GMDS: variants seen among roughly 807,000 people sequenced by gnomAD.
GMDS encodes GDP-mannose 4,6-dehydratase.
GMDS carries 20 observed loss-of-function variants against 49.9 expected under a neutral mutation model. The ratio of observed to expected loss-of-function variants is 0.40; its 90% CI spans 0.28 to 0.58. The LOEUF (loss-of-function observed/expected upper bound fraction) is 0.58. Among genes scored for constraint, GMDS ranks in the 20% least tolerant of loss-of-function variants. GMDS has a pLI of 0.42. For missense variants in GMDS, 362 were observed against 481.4 expected (o/e 0.75, Z 2.32); for synonymous variants, 177 against 178.6 (o/e 0.99, Z 0.07).
chr6:1,649,831 C>T lies in GMDS; in HGVS notation c.988-25291G>A, dbSNP rs370567289. 3.9e-5 allele frequency among the ~76,000 whole-genome samples: 6 copies of T among 152,340 alleles called. No homozygotes were observed. The East Asian group carries it at 7.7e-4, about 20-fold the overall frequency. ...CACCCCTTAGATATCATGCTCCTGA[C>T]AGCTCTGCAGGAAAACAGTTTTAGG... On this transcript the variant is annotated intron_variant, in intron 9 of 10. Coordinates refer to ENST00000380815, the MANE Select transcript of GMDS (RefSeq NM_001500.4).
chr6:2,164,432 A>G (rs549905068), intron 1 of GMDS, among the ~76,000 whole-genome samples: 1 of 152,312 alleles, frequency 6.6e-6, no homozygotes, highest in African/African-American at 2.4e-5. Context: ...ACTCAGCATT[A>G]TCTTACAAAG....
intron 1 of GMDS, among the ~76,000 whole-genome samples, chr6:2,207,644 A>G (rs1175917102): frequency 1.3e-5 from 2 of 151,956 alleles, no homozygotes; most frequent in African/African-American, 2.4e-5. Context: ...TGTTCCTAGC[A>G]CCTAGCAGAT....
At position 1,790,827 on chromosome 6, in the gene GMDS, G is replaced by T. The variant is rs150845142; in HGVS notation, c.772-48241C>A. On this transcript the variant is annotated intron_variant, in intron 7 of 10. Coordinates refer to ENST00000380815, the MANE Select transcript of GMDS (RefSeq NM_001500.4). ...GCTGCTGCCTGCTTTACCTCTTGTG[G>T]TAGGCTGAGTAATGCCTCCCAAAGA... Among the ~76,000 whole-genome samples, 676 of 152,304 alleles carry T rather than the reference G, an allele frequency of 4.4e-3. 2 individuals carry two copies. Among genetic ancestry groups the T allele is most frequent in the African/African-American group, 0.015 (642 of 41,546 alleles).
chr6:1,786,947 C>T (rs1176351865), intron 7 of GMDS, among the ~76,000 whole-genome samples: 5 of 152,140 alleles, frequency 3.3e-5, no homozygotes, highest in African/African-American at 1.2e-4. Flanking sequence ...CTCACACGTA[C>T]CTACAGCCTC....
chr6:1,919,901 C>A (rs1761632533), intron 7 of GMDS, among the ~76,000 whole-genome samples: 1 of 152,164 alleles, frequency 6.6e-6, no homozygotes, highest in Non-Finnish European at 1.5e-5. Flanking sequence ...ATCAAATCAG[C>A]ACTACAAAGC....
At chr6:1,804,788 C>T (rs561117304) in intron 7 of GMDS, among the ~76,000 whole-genome samples, 22 of 152,196 alleles carry the variant, frequency 1.4e-4, no homozygotes, top group Non-Finnish European at 2.5e-4. Context: ...TCTTTAACAT[C>T]ATACGCTCAT....
At chr6:2,015,808 G>C (rs1767855091) in intron 4 of GMDS, among the ~76,000 whole-genome samples, 1 of 152,038 alleles carries the variant, frequency 6.6e-6, no homozygotes, top group Admixed American at 6.6e-5. Flanking sequence ...ATGCAATGTG[G>C]CCCAAATTTT....
intron 6 of GMDS, 24 bp from the exon 7 acceptor site, chr6:1,930,254 T>A (rs371330555): frequency 2.5e-6 from 4 of 1,607,974 alleles, no homozygotes; most frequent in Non-Finnish European, 3.4e-6. Context: ...AAAGATGTAG[T>A]ATCAGTCAAG....
intron 9 of GMDS, among the ~76,000 whole-genome samples, chr6:1,711,917 C>T (rs993996413): frequency 3.3e-5 from 5 of 152,236 alleles, no homozygotes; most frequent in African/African-American, 1.2e-4. Context: ...GAGAGCAGCA[C>T]TGCACAGTCA....
chr6:1,827,510 G>T lies in GMDS; in HGVS notation c.772-84924C>A, dbSNP rs144675501. 3.0e-3 allele frequency among the ~76,000 whole-genome samples: 453 copies of T among 151,766 alleles called. 5 individuals carry two copies. Among genetic ancestry groups the T allele is most frequent in the African/African-American group, 0.01 (427 of 41,290 alleles). On this transcript the variant is annotated intron_variant, in intron 7 of 10. Coordinates refer to ENST00000380815, the MANE Select transcript of GMDS (RefSeq NM_001500.4). ...GAAAACCTGTATATACACACGTTTT[G>T]GAAAAGTCCTAAGGTAGATTCCTTA...
chr6:1,967,586 A>C (rs1764336858), intron 4 of GMDS, among the ~76,000 whole-genome samples: 1 of 152,214 alleles, frequency 6.6e-6, no homozygotes, highest in Non-Finnish European at 1.5e-5. Context: ...ACGCTATATA[A>C]AGAGTCAGAA....
At chr6:2,123,972 A>G (rs1775278963) in intron 2 of GMDS, among the ~76,000 whole-genome samples, 1 of 152,102 alleles carries the variant, frequency 6.6e-6, no homozygotes. Context: ...ATTAGAATAA[A>G]CAGATAATCC....
At chr6:1,725,590 C>T (rs1766554815) in intron 9 of GMDS, among the ~76,000 whole-genome samples, 1 of 152,130 alleles carries the variant, frequency 6.6e-6, no homozygotes, top group South Asian at 2.1e-4. Context: ...TGCGCTACCA[C>T]ACCCGGCTAA....
intron 6 of GMDS, among the ~76,000 whole-genome samples, chr6:1,936,424 G>C (rs1320472423): frequency 6.6e-6 from 1 of 152,120 alleles, no homozygotes; most frequent in African/African-American, 2.4e-5. Flanking sequence ...CAGACACCAG[G>C]CACAGCCAGA....
chr6:2,098,338 G>T (rs769485640), intron 4 of GMDS, among the ~76,000 whole-genome samples: 2 of 152,172 alleles, frequency 1.3e-5, no homozygotes, highest in East Asian at 1.9e-4. Flanking sequence ...GATTACAGGC[G>T]TAAGCCACCG....
intron 1 of GMDS, among the ~76,000 whole-genome samples, chr6:2,241,512 T>A (rs1213594358): frequency 6.6e-6 from 1 of 152,206 alleles, no homozygotes; most frequent in East Asian, 1.9e-4. Flanking sequence ...TCCCCAAGGT[T>A]GGAGGTGGGA....
chr6:1,744,724 C>T (rs1397223445), intron 7 of GMDS, among the ~76,000 whole-genome samples: 1 of 152,230 alleles, frequency 6.6e-6, no homozygotes, highest in Non-Finnish European at 1.5e-5. Flanking sequence ...TGAGCAGCTG[C>T]TCCTTGTAGG....
Position 2,131,383 on chromosome 6 carries a change from A to G in GMDS, c.103-6652T>C, listed in dbSNP as rs181825009. On this transcript the variant is annotated intron_variant, in intron 1 of 10. Transcript: ENST00000380815. ...TAAATGATTAGGAGAAAAACAGCAC[A>G]CACACACACAGATACTCCAATAAAT... Among the ~76,000 whole-genome samples the G allele has an allele frequency of 1.7e-4, 26 of 152,320 alleles. 1 individual carries two copies. Among genetic ancestry groups the G allele is most frequent in the Middle Eastern group, 6.8e-3 (2 of 294 alleles).
chr6:2,166,436 C>T (rs1370559736), intron 1 of GMDS, among the ~76,000 whole-genome samples: 2 of 152,126 alleles, frequency 1.3e-5, no homozygotes, highest in Non-Finnish European at 2.9e-5. Flanking sequence ...TTTTAGGCTT[C>T]AAAACAGCAT....
Sources: gnomAD v4.1 joint callset for allele counts (sites outside exome capture counted in the v4.1 genomes callset) on GRCh38, gnomAD v4.1.1 for gene constraint, MANE v1.5 for transcripts, NCBI Gene and HGNC (gene_info 2026-07-23, HGNC 2026-07-21) for gene names.